The following MINDY4 variants were observed in gnomAD, a reference collection of about 807,000 sequenced individuals.
MINDY4 encodes the protein probable ubiquitin carboxyl-terminal hydrolase MINDY-4.
In MINDY4, 68 loss-of-function variants were observed where a neutral mutation model predicts 87.0. The observed-to-expected ratio is 0.78, with a 90% confidence interval of 0.64 to 0.96. The LOEUF (loss-of-function observed/expected upper bound fraction) is 0.96. Ranked by LOEUF, MINDY4 falls within the 40% of genes least tolerant of loss-of-function variation. MINDY4 has a pLI of 0.00. For synonymous variants in MINDY4, 379 were observed against 363.2 expected (o/e 1.04, Z -0.50); for missense variants, 919 against 928.2 (o/e 0.99, Z 0.13).
intron 5 of MINDY4, among the ~76,000 whole-genome samples, chr7:30,808,932 GGAGA>G (rs55961516): frequency 0.05 from 7,308 of 145,156 alleles, 406 homozygotes; most frequent in African/African-American, 0.14. Context: ...AGGGAGTCAA[GGAGA>G]GAGAGAGAGA....
chr7:30,802,527 C>G (rs894482199), intron 5 of MINDY4, among the ~76,000 whole-genome samples: 2 of 152,044 alleles, frequency 1.3e-5, no homozygotes, highest in Non-Finnish European at 2.9e-5. Context: ...ATTTCTCTGT[C>G]TTTACTCAGC....
At chr7:30,886,843 C>A (rs1412487449) in intron 17 of MINDY4, among the ~76,000 whole-genome samples, 2 of 152,180 alleles carry the variant, frequency 1.3e-5, no homozygotes, top group Non-Finnish European at 2.9e-5. Context: ...GTCCCCTGCC[C>A]CCTCCCACTG....
chr7:30,794,547 T>C, intron 5 of MINDY4, among the ~76,000 whole-genome samples: 1 of 152,174 alleles, frequency 6.6e-6, no homozygotes, highest in South Asian at 2.1e-4. Context: ...CCTGCTGAGA[T>C]GTTAGGCGGT....
chr7:30,887,583 G>A (rs1203926860), intron 17 of MINDY4, among the ~76,000 whole-genome samples: 1 of 152,252 alleles, frequency 6.6e-6, no homozygotes, highest in Non-Finnish European at 1.5e-5. Context: ...GCGTGAGCCA[G>A]CGAGGACCAT....
intron 5 of MINDY4, among the ~76,000 whole-genome samples, chr7:30,816,654 C>T (rs1788160989): frequency 7.2e-6 from 1 of 138,042 alleles, no homozygotes; most frequent in African/African-American, 2.6e-5. Flanking sequence ...CGATCCCTAT[C>T]TTTGTCCACC....
intron 4 of MINDY4, among the ~76,000 whole-genome samples, chr7:30,788,113 G>A (rs1258209822): frequency 6.6e-6 from 1 of 152,162 alleles, no homozygotes; most frequent in African/African-American, 2.4e-5. Context: ...CCTCATATTT[G>A]CTTTTGCATT....
At chr7:30,829,444 A>G (rs1218332918) in intron 6 of MINDY4, among the ~76,000 whole-genome samples, 1 of 152,208 alleles carries the variant, frequency 6.6e-6, no homozygotes, top group African/African-American at 2.4e-5. Flanking sequence ...TGGAGCCAAC[A>G]GTTTACCTGT....
chr7:30,826,218 T>C (rs1305420912), intron 5 of MINDY4, among the ~76,000 whole-genome samples: 2 of 152,184 alleles, frequency 1.3e-5, no homozygotes, highest in African/African-American at 4.8e-5. Context: ...ATTCAGGGAT[T>C]AGGATGTGGA....
At chr7:30,772,988 A>C (rs1342439759) in intron 1 of MINDY4, among the ~76,000 whole-genome samples, 8 of 142,566 alleles carry the variant, frequency 5.6e-5, no homozygotes, top group Non-Finnish European at 7.6e-5. Context: ...CCTCCCCACC[A>C]CCCCCCACTT....
intron 8 of MINDY4, 132 bp downstream of exon 8, chr7:30,839,448 C>T: frequency 1.8e-6 from 1 of 566,796 alleles, no homozygotes; most frequent in Admixed American, 3.0e-5. Flanking sequence ...CCCACATGTG[C>T]TGAGTTGTCA....
chr7:30,871,122 C>T (rs1296045121), intron 13 of MINDY4, among the ~76,000 whole-genome samples: 1 of 143,512 alleles, frequency 7.0e-6, no homozygotes, highest in African/African-American at 3.0e-5. Flanking sequence ...CGTGTGTGCC[C>T]CCAGGGCTGT....
At chr7:30,824,206 C>G (rs1788428446) in intron 5 of MINDY4, among the ~76,000 whole-genome samples, 1 of 152,176 alleles carries the variant, frequency 6.6e-6, no homozygotes, top group Admixed American at 6.5e-5. Flanking sequence ...AGTGGGGGCT[C>G]TCTGCAGAGT....
chr7:30,805,543 T>C (rs1787778933), intron 5 of MINDY4, among the ~76,000 whole-genome samples: 1 of 151,392 alleles, frequency 6.6e-6, no homozygotes, highest in African/African-American at 2.4e-5. Context: ...GAAAACGGAG[T>C]GGTCAGAGCA....
At chr7:30,828,979 A>G (rs1788608442) in intron 6 of MINDY4, among the ~76,000 whole-genome samples, 1 of 152,094 alleles carries the variant, frequency 6.6e-6, no homozygotes, top group South Asian at 2.1e-4. Flanking sequence ...CTGTGGGGCC[A>G]GAGAAGCTCT....
Position 30,790,884 on chromosome 7 carries a change from T to G in MINDY4, c.664-281T>G, listed in dbSNP as rs553761266. 3.1e-3 allele frequency among the ~76,000 whole-genome samples: 472 copies of G among 152,278 alleles called. 12 individuals carry two copies. The highest frequency in any genetic ancestry group is 8.5e-4 in the Non-Finnish European group (58 of 68,012). ...TGGTGATGCAGACTGGAGCGACGGC[T>G]TCACCTGCTGCATGAACCTGCTCTC... On this transcript the variant is annotated intron_variant, in intron 4 of 17. Transcript: ENST00000265299.
intron 13 of MINDY4, among the ~76,000 whole-genome samples, chr7:30,871,019 G>A (rs1327732440): frequency 6.6e-6 from 1 of 151,104 alleles, no homozygotes; most frequent in Non-Finnish European, 1.5e-5. Flanking sequence ...CCCCAGGGCC[G>A]TGTGTGCCCC....
intron 14 of MINDY4, among the ~76,000 whole-genome samples, chr7:30,874,405 T>C (rs919515252): frequency 1.3e-5 from 2 of 152,216 alleles, no homozygotes; most frequent in Non-Finnish European, 2.9e-5. Flanking sequence ...GCTGTGTGGC[T>C]TGAGTAACCC....
chr7:30,853,893 T>G (rs1001787539), intron 12 of MINDY4, among the ~76,000 whole-genome samples: 1 of 151,650 alleles, frequency 6.6e-6, no homozygotes, highest in African/African-American at 2.4e-5. Context: ...GCTTCTTGGG[T>G]GGGTTGGAGG....
chr7:30,862,886 G>A (rs920420506), intron 13 of MINDY4, among the ~76,000 whole-genome samples: 2 of 151,460 alleles, frequency 1.3e-5, no homozygotes, highest in Non-Finnish European at 3.0e-5. Flanking sequence ...AACAAAATCT[G>A]ATTTTTTTTA....
Sources: gnomAD v4.1 joint callset for allele counts (sites outside exome capture counted in the v4.1 genomes callset) on GRCh38, gnomAD v4.1.1 for gene constraint, MANE v1.5 for transcripts, NCBI Gene and HGNC (gene_info 2026-07-23, HGNC 2026-07-21) for gene names.